Variants in RGS6 observed in about 807,000 individuals in gnomAD.
RGS6 encodes regulator of G-protein signaling 6.
A neutral mutation model predicts 78.5 loss-of-function variants in RGS6; 30 were observed. The observed-to-expected ratio is 0.38, with a 90% CI of 0.29 to 0.52. RGS6 has a LOEUF of 0.52. Ranked by LOEUF, RGS6 falls within the 20% of genes least tolerant of loss-of-function variation. The probability of loss-of-function intolerance (pLI) is 0.85; values close to 1 mark genes in which losing one functional copy is unlikely to be tolerated. For missense variants in RGS6, 495 were observed against 609.7 expected (o/e 0.81, Z 1.98); for synonymous variants, 206 against 206.0 (o/e 1.00, Z 0.00).
At position 72,292,879 on chromosome 14, in the gene RGS6, A is replaced by T. The variant is rs752102212; in HGVS notation, c.85-59216A>T. On this transcript the variant is annotated intron_variant, in intron 2 of 17. Transcript: ENST00000553525. Reference sequence around the variant, plus strand: ...TGGCATGGATGACACAGGGACCTTGACATGGGCTGATGGATTAAGAACAAT... The same window carrying T: ...TGGCATGGATGACACAGGGACCTTGTCATGGGCTGATGGATTAAGAACAAT... Among the ~76,000 whole-genome samples the T allele has an allele frequency of 1.9e-4, 29 of 152,220 alleles. 1 individual carries two copies. Among genetic ancestry groups the T allele is most frequent in the Non-Finnish European group, 2.9e-4 (20 of 68,030 alleles).
intron 3 of RGS6, among the ~76,000 whole-genome samples, chr14:72,436,531 A>G (rs149841914): frequency 3.3e-5 from 5 of 152,196 alleles, no homozygotes; most frequent in Non-Finnish European, 5.9e-5. Flanking sequence ...GGCTGTTAAC[A>G]TTCTTCCAGA....
intron 2 of RGS6, among the ~76,000 whole-genome samples, chr14:71,980,319 G>T (rs368572577): frequency 7.3e-6 from 1 of 136,754 alleles, no homozygotes; most frequent in Non-Finnish European, 1.6e-5. Flanking sequence ...GTTAGCTGGT[G>T]ATTTTGCTCG....
intron 2 of RGS6, among the ~76,000 whole-genome samples, chr14:72,163,360 G>T (rs77112841): frequency 6.6e-6 from 1 of 152,202 alleles, no homozygotes; most frequent in Admixed American, 6.5e-5. Flanking sequence ...TGCCAATGAG[G>T]TTGATAATTC....
At chr14:72,399,950 T>C (rs949905786) in intron 3 of RGS6, among the ~76,000 whole-genome samples, 4 of 152,150 alleles carry the variant, frequency 2.6e-5, no homozygotes, top group Non-Finnish European at 5.9e-5. Flanking sequence ...TGGAACCAAG[T>C]TGGAAAACAC....
At chr14:72,451,137 G>A (rs1031585120) in intron 3 of RGS6, among the ~76,000 whole-genome samples, 5 of 152,240 alleles carry the variant, frequency 3.3e-5, no homozygotes, top group East Asian at 1.9e-4. Flanking sequence ...GGATGGTGGC[G>A]GAGTAGATGC....
chr14:72,569,404 G>A (rs2097717650), downstream of RGS6, among the ~76,000 whole-genome samples: 1 of 152,134 alleles, frequency 6.6e-6, no homozygotes, highest in Admixed American at 6.5e-5. Flanking sequence ...TACAAGCCAG[G>A]CACAGTGGCT....
intron 2 of RGS6, among the ~76,000 whole-genome samples, chr14:72,072,558 C>A (rs145203485): frequency 6.6e-6 from 1 of 151,938 alleles, no homozygotes; most frequent in Non-Finnish European, 1.5e-5. Context: ...ATCCACCTGC[C>A]CCGGCCTCCC....
intron 12 of RGS6, among the ~76,000 whole-genome samples, chr14:72,494,769 T>C (rs984277998): frequency 6.6e-6 from 1 of 152,222 alleles, no homozygotes; most frequent in Non-Finnish European, 1.5e-5. Flanking sequence ...AGCTGTAGTG[T>C]CTTTTGTGTG....
chr14:72,515,335 A>G (rs2096927794), intron 14 of RGS6, among the ~76,000 whole-genome samples: 1 of 152,126 alleles, frequency 6.6e-6, no homozygotes, highest in Admixed American at 6.5e-5. Context: ...TTATGTGACA[A>G]AGAAAACCTT....
At chr14:72,421,191 A>C (rs1364442004) in intron 3 of RGS6, 2 of 151,872 alleles carry the variant, frequency 1.3e-5, no homozygotes, top group Admixed American at 1.3e-4. Flanking sequence ...GATTGGTTCG[A>C]ATAATTTTCA....
At chr14:72,557,561 C>T (rs937825724) in intron 17 of RGS6, among the ~76,000 whole-genome samples, 1 of 152,154 alleles carries the variant, frequency 6.6e-6, no homozygotes, top group Non-Finnish European at 1.5e-5. Flanking sequence ...AAGTCTCCCC[C>T]AACCCCACCC....
rs569886238 is a variant in RGS6 at position 72,067,684 on chromosome 14, AAAAAT to A, written c.84+102823_84+102827del. ...TTGATAACAAACTTTAAAAACTTAAAAAAATAAAATAAAATAAAGTTTATTTTCAA... is the reference window on the plus strand; with the variant it reads ...TTGATAACAAACTTTAAAAACTTAAAAAAATAAAATAAAGTTTATTTTCAA... On this transcript the variant is annotated intron_variant, in intron 2 of 17. Coordinates refer to ENST00000553525, the MANE Select transcript of RGS6 (RefSeq NM_001204424.2). Among the ~76,000 whole-genome samples the A allele has an allele frequency of 7.4e-3, 1,125 of 152,334 alleles. 18 individuals carry two copies. The highest frequency in any genetic ancestry group is 0.02 in the African/African-American group (852 of 41,564).
At chr14:72,235,210 C>G (rs1056455142) in intron 2 of RGS6, among the ~76,000 whole-genome samples, 39 of 152,166 alleles carry the variant, frequency 2.6e-4, no homozygotes, top group African/African-American at 8.9e-4. Context: ...AAGGATGAGG[C>G]AGGCCCTCAA....
intron 2 of RGS6, among the ~76,000 whole-genome samples, chr14:72,184,707 C>T (rs1024900106): frequency 6.6e-6 from 1 of 152,070 alleles, no homozygotes; most frequent in African/African-American, 2.4e-5. Context: ...TCTAATTTGC[C>T]TTTCTGTCAC....
At chr14:72,060,079 T>C (rs2093816640) in intron 2 of RGS6, among the ~76,000 whole-genome samples, 2 of 152,152 alleles carry the variant, frequency 1.3e-5, no homozygotes, top group African/African-American at 4.8e-5. Context: ...GGGGTTCGTC[T>C]CTACCTACCA....
intron 2 of RGS6, among the ~76,000 whole-genome samples, chr14:72,158,065 G>T (rs2096798133): frequency 6.6e-6 from 1 of 152,066 alleles, no homozygotes; most frequent in African/African-American, 2.4e-5. Flanking sequence ...CTCCTGACCA[G>T]TGTATCAGTT....
chr14:72,590,295 A>C, the RGS6 span, among the ~76,000 whole-genome samples: 1 of 152,256 alleles, frequency 6.6e-6, no homozygotes, highest in East Asian at 1.9e-4. Context: ...GTATTTAACC[A>C]AGAAATAAAA....
At chr14:71,898,189 TAC>T in the RGS6 span, among the ~76,000 whole-genome samples, 1 of 152,202 alleles carries the variant, frequency 6.6e-6, no homozygotes, top group Non-Finnish European at 1.5e-5. Flanking sequence ...TGTTATTAAC[TAC>T]AGTCACCATG....
At chr14:72,089,811 A>C (rs1031404937) in intron 2 of RGS6, among the ~76,000 whole-genome samples, 20 of 152,176 alleles carry the variant, frequency 1.3e-4, no homozygotes, top group African/African-American at 4.6e-4. Flanking sequence ...CTTCCTATAT[A>C]CCACCACCTC....
Sources: allele counts gnomAD v4.1 joint callset (sites outside exome capture counted in the v4.1 genomes callset), GRCh38; gene constraint gnomAD v4.1.1; transcripts MANE v1.5; gene names NCBI Gene and HGNC (gene_info 2026-07-23, HGNC 2026-07-21).